The following RAB28 variants were observed in gnomAD, a reference collection of about 807,000 sequenced individuals.
RAB28 encodes the protein RAB28, member RAS oncogene family.
A neutral mutation model predicts 31.7 loss-of-function variants in RAB28; 24 were observed. The observed-to-expected ratio is 0.76, with a 90% CI of 0.55 to 1.06. RAB28 has a LOEUF of 1.06. Among genes scored for constraint, RAB28 ranks in the 50% least tolerant of loss-of-function variants. The probability of loss-of-function intolerance (pLI) is 0.00; values close to 1 mark genes in which losing one functional copy is unlikely to be tolerated. For missense variants in RAB28, 254 were observed against 258.5 expected (o/e 0.98, Z 0.12); for synonymous variants, 100 against 90.4 (o/e 1.11, Z -0.60).
intron 4 of RAB28, among the ~76,000 whole-genome samples, chr4:13,440,899 C>T (rs1295155018): frequency 6.6e-6 from 1 of 151,762 alleles, no homozygotes; most frequent in Non-Finnish European, 1.5e-5. Flanking sequence ...AAGACAGCTA[C>T]GTACATGCCA....
At chr4:13,380,412 A>G (rs1014616758) in intron 5 of RAB28, among the ~76,000 whole-genome samples, 1 of 152,130 alleles carries the variant, frequency 6.6e-6, no homozygotes, top group Admixed American at 6.5e-5. Flanking sequence ...ATTATGATAC[A>G]TGACTATTAG....
chr4:13,443,010 T>C (rs1166751245), intron 4 of RAB28, among the ~76,000 whole-genome samples: 1 of 152,176 alleles, frequency 6.6e-6, no homozygotes, highest in Non-Finnish European at 1.5e-5. Flanking sequence ...AATATCCTTA[T>C]AGGAAATTAC....
chr4:13,372,208 CAG>C (rs1728742313), intron 6 of RAB28, among the ~76,000 whole-genome samples: 1 of 152,014 alleles, frequency 6.6e-6, no homozygotes, highest in South Asian at 2.1e-4. Context: ...GCACAGAAAA[CAG>C]ATGTGTAAAC....
chr4:13,473,777 G>T (rs1429395197), intron 3 of RAB28: 1 of 311,480 alleles, frequency 3.2e-6, no homozygotes, highest in African/African-American at 2.3e-5. Flanking sequence ...ATTTTCTTCT[G>T]AAAATACAGC....
At chr4:13,408,344 G>C (rs1344905886) in intron 4 of RAB28, among the ~76,000 whole-genome samples, 2 of 152,170 alleles carry the variant, frequency 1.3e-5, no homozygotes, top group Non-Finnish European at 1.5e-5. Flanking sequence ...AACCACCCTT[G>C]CATCCCAAGG....
chr4:13,431,824 TAAG>T (rs1257425916), intron 4 of RAB28, among the ~76,000 whole-genome samples: 2 of 151,628 alleles, frequency 1.3e-5, no homozygotes, highest in Admixed American at 6.6e-5. Flanking sequence ...AATACAAAAA[TAAG>T]AAGCGACAAT....
At chr4:13,383,719 A>ACT (rs1577157677) in intron 4 of RAB28, among the ~76,000 whole-genome samples, 1 of 152,182 alleles carries the variant, frequency 6.6e-6, no homozygotes, top group East Asian at 1.9e-4. Context: ...ATGATAGTAA[A>ACT]TAAGTTCTCA....
intron 4 of RAB28, among the ~76,000 whole-genome samples, chr4:13,396,294 TTAAC>T (rs907396959): frequency 6.6e-6 from 1 of 152,046 alleles, no homozygotes; most frequent in Non-Finnish European, 1.5e-5. Flanking sequence ...ACTTGTCACA[TTAAC>T]TACCTCCAGG....
chr4:13,449,739 G>A (rs1170504239), intron 4 of RAB28, among the ~76,000 whole-genome samples: 2 of 151,810 alleles, frequency 1.3e-5, no homozygotes, highest in Non-Finnish European at 3.0e-5. Context: ...TTTAAGAGTA[G>A]AAATCATTCA....
chr4:13,427,798 G>C (rs1021980935), intron 4 of RAB28, among the ~76,000 whole-genome samples: 2 of 152,142 alleles, frequency 1.3e-5, no homozygotes, highest in African/African-American at 4.8e-5. Context: ...ACAGAGAAGA[G>C]TAACACTTTT....
intron 5 of RAB28, among the ~76,000 whole-genome samples, chr4:13,377,966 G>C (rs994651853): frequency 6.6e-6 from 1 of 152,192 alleles, no homozygotes; most frequent in Non-Finnish European, 1.5e-5. Flanking sequence ...GACTGTGAGA[G>C]ATTTGAGGAG....
chr4:13,453,661 T>A (rs1715095983), intron 4 of RAB28, among the ~76,000 whole-genome samples: 1 of 152,156 alleles, frequency 6.6e-6, no homozygotes, highest in African/African-American at 2.4e-5. Context: ...GTAATTCCAT[T>A]CTATCCTGGC....
intron 1 of RAB28, among the ~76,000 whole-genome samples, chr4:13,480,428 T>C (rs1311779304): frequency 6.6e-6 from 1 of 151,904 alleles, no homozygotes; most frequent in Non-Finnish European, 1.5e-5. Flanking sequence ...ACAGACTCCC[T>C]ACTTTAAGAG....
At chr4:13,371,488 T>C in intron 6 of RAB28, 1 of 985,322 alleles carries the variant, frequency 1.0e-6, no homozygotes, top group Non-Finnish European at 1.2e-6. Flanking sequence ...GCTCAAAACA[T>C]TTTGGTCCAA....
At chr4:13,370,016 A>C (rs1728661489) in intron 6 of RAB28, 1 of 1,578,490 alleles carries the variant, frequency 6.3e-7, no homozygotes, top group Non-Finnish European at 8.6e-7. Context: ...AATTAAAAAA[A>C]AAAAGACAAA....
intron 6 of RAB28, chr4:13,370,048 T>C: frequency 6.6e-7 from 1 of 1,518,974 alleles, no homozygotes; most frequent in Admixed American, 2.1e-5. Flanking sequence ...GTTCAATGAC[T>C]GAATATAGAA....
At chr4:13,369,757 A>G in intron 6 of RAB28, 1 of 1,025,800 alleles carries the variant, frequency 9.7e-7, no homozygotes, top group Non-Finnish European at 1.3e-6. Flanking sequence ...TTAACTTCCA[A>G]TAATGTACAA....
At chr4:13,370,795 A>G in intron 6 of RAB28, 1 of 980,832 alleles carries the variant, frequency 1.0e-6, no homozygotes, top group Non-Finnish European at 1.2e-6. Context: ...ATCACAAGGT[A>G]CAATATTTAA....
At chr4:13,401,533 A>ATTT (rs1711757738) in intron 4 of RAB28, among the ~76,000 whole-genome samples, 1 of 152,180 alleles carries the variant, frequency 6.6e-6, no homozygotes, top group African/African-American at 2.4e-5. Flanking sequence ...AATAATTTTA[A>ATTT]AAAAAATTGT....
Sources: gnomAD v4.1 joint callset for allele counts (sites outside exome capture counted in the v4.1 genomes callset) on GRCh38, gnomAD v4.1.1 for gene constraint, MANE v1.5 for transcripts, NCBI Gene and HGNC (gene_info 2026-07-23, HGNC 2026-07-21) for gene names.